The following NELL1 variants were observed in gnomAD, a reference collection of about 807,000 sequenced individuals.
The protein encoded by NELL1 is neural EGFL like 1, also known as protein kinase C-binding protein NELL1.
NELL1 carries 76 observed loss-of-function variants against 107.4 expected under a neutral mutation model. The observed-to-expected ratio is 0.71, with a 90% CI of 0.59 to 0.86. NELL1 has a LOEUF of 0.86. Among genes scored for constraint, NELL1 ranks in the 40% least tolerant of loss-of-function variants. The pLI is 0.00. For missense variants in NELL1, 1,024 were observed against 1,005.5 expected (o/e 1.02, Z -0.25); for synonymous variants, 353 against 341.2 (o/e 1.03, Z -0.38).
At chr11:20,743,339 T>C (rs906363491) in intron 2 of NELL1, among the ~76,000 whole-genome samples, 4 of 151,588 alleles carry the variant, frequency 2.6e-5, no homozygotes, top group Admixed American at 1.3e-4. Flanking sequence ...TGTGATAGAG[T>C]GAGACTCTGT....
At chr11:21,535,485 C>T (rs1196922597) in intron 16 of NELL1, among the ~76,000 whole-genome samples, 1 of 152,046 alleles carries the variant, frequency 6.6e-6, no homozygotes, top group Non-Finnish European at 1.5e-5. Context: ...TCAACTTCTC[C>T]ACTGATGTTG....
At chr11:20,985,776 A>G (rs1393201267) in intron 12 of NELL1, among the ~76,000 whole-genome samples, 2 of 152,242 alleles carry the variant, frequency 1.3e-5, no homozygotes, top group Admixed American at 6.5e-5. Flanking sequence ...TTTCTTGGCC[A>G]CAAGTCTTAT....
At chr11:21,467,612 C>T (rs1407684878) in intron 15 of NELL1, among the ~76,000 whole-genome samples, 1 of 151,934 alleles carries the variant, frequency 6.6e-6, no homozygotes, top group Admixed American at 6.6e-5. Context: ...CTTTTACATA[C>T]TGAGTATGCA....
At chr11:21,426,736 A>G (rs1283878020) in intron 15 of NELL1, among the ~76,000 whole-genome samples, 2 of 152,130 alleles carry the variant, frequency 1.3e-5, no homozygotes, top group Non-Finnish European at 2.9e-5. Flanking sequence ...GTGCAGTCAG[A>G]AAAAAATGAG....
Position 21,299,511 on chromosome 11 carries a change from ATGTGTGTGTGTGTGTG to A in NELL1, c.1549+70095_1549+70110del, listed in dbSNP as rs71063696. 8.8e-3 allele frequency among the ~76,000 whole-genome samples: 1,196 copies of A among 136,482 alleles called. 22 individuals carry two copies. Among genetic ancestry groups the A allele is most frequent in the African/African-American group, 0.029 (1,027 of 35,028 alleles). 89.5% of individuals were successfully genotyped at this position (136,482 alleles called of 152,430 possible). On this transcript the variant is annotated intron_variant, in intron 14 of 19. Coordinates refer to ENST00000357134, the MANE Select transcript of NELL1 (RefSeq NM_006157.5). ...AAATTTCAACATTTTATTGTCTTAT[ATGTGTGTGTGTGTGTG>A]TGTGTGTGTGTGTGTGTGTGTGTGT...
At chr11:21,259,460 C>A (rs1361679241) in intron 14 of NELL1, among the ~76,000 whole-genome samples, 4 of 151,810 alleles carry the variant, frequency 2.6e-5, no homozygotes, top group African/African-American at 9.7e-5. Flanking sequence ...TATGGAAATA[C>A]AATTTTTCAG....
At chr11:21,333,817 C>T (rs1850324625) in intron 14 of NELL1, among the ~76,000 whole-genome samples, 1 of 152,010 alleles carries the variant, frequency 6.6e-6, no homozygotes, top group Non-Finnish European at 1.5e-5. Flanking sequence ...TAAACCAGGT[C>T]ACACAAAATT....
chr11:20,879,113 C>T lies in NELL1; in HGVS notation c.507-6331C>T, dbSNP rs1168702171. 2.0e-5 allele frequency among the ~76,000 whole-genome samples: 3 copies of T among 152,134 alleles called. No homozygotes were observed. In the South Asian group the frequency reaches 6.2e-4, roughly 31 times the overall value. The stretch of plus-strand genomic sequence containing the variant: ...CAGTCAGGAAGTACACACACAACTT[C>T]AGGATGGATATGATGGGCCCAAGGG... On this transcript the variant is annotated intron_variant, in intron 4 of 19. Coordinates refer to ENST00000357134, the MANE Select transcript of NELL1 (RefSeq NM_006157.5).
rs1027385757 is a variant in NELL1 at position 21,015,032 on chromosome 11, A to G, written c.1300+54472A>G. ...TTGTTCACTGACTTGAACTTTGTTC[A>G]TTTTTTTAGATCTCTGGATCTTTTC... On this transcript the variant is annotated intron_variant, in intron 12 of 19. Coordinates refer to ENST00000357134, the MANE Select transcript of NELL1 (RefSeq NM_006157.5). 2.6e-5 allele frequency among the ~76,000 whole-genome samples: 4 copies of G among 151,994 alleles called. 1 individual carries two copies. The South Asian group carries it at 6.2e-4, about 24-fold the overall frequency.
intron 10 of NELL1, among the ~76,000 whole-genome samples, chr11:20,945,742 A>G (rs1345761998): frequency 6.6e-6 from 1 of 152,216 alleles, no homozygotes; most frequent in African/African-American, 2.4e-5. Context: ...AGTAAGGCAC[A>G]TCAGGTAGGG....
intron 17 of NELL1, among the ~76,000 whole-genome samples, chr11:21,568,421 G>T (rs981441557): frequency 6.6e-6 from 1 of 151,634 alleles, no homozygotes; most frequent in Non-Finnish European, 1.5e-5. Context: ...TATGAACCTT[G>T]TATACTTAGG....
At chr11:20,825,455 G>A (rs1328982793) in intron 3 of NELL1, among the ~76,000 whole-genome samples, 1 of 151,504 alleles carries the variant, frequency 6.6e-6, no homozygotes, top group African/African-American at 2.4e-5. Context: ...GGGCAGAGTT[G>A]CCCAAGGCCA....
At chr11:21,244,255 A>T (rs568172036) in intron 14 of NELL1, among the ~76,000 whole-genome samples, 2 of 152,200 alleles carry the variant, frequency 1.3e-5, no homozygotes, top group Non-Finnish European at 2.9e-5. Flanking sequence ...AAAACAGTTC[A>T]TGAGAGAGCA....
intron 2 of NELL1, among the ~76,000 whole-genome samples, chr11:20,695,111 T>G (rs1293824219): frequency 6.6e-6 from 1 of 152,108 alleles, no homozygotes; most frequent in Non-Finnish European, 1.5e-5. Context: ...TACTGTTATA[T>G]AAAAATGTTA....
intron 11 of NELL1, among the ~76,000 whole-genome samples, chr11:20,957,835 A>G (rs1231562067): frequency 2.0e-5 from 3 of 152,202 alleles, no homozygotes; most frequent in African/African-American, 7.2e-5. Flanking sequence ...ATACATCTCA[A>G]AATGATGCAG....
intron 13 of NELL1, among the ~76,000 whole-genome samples, chr11:21,115,856 A>G (rs923184598): frequency 6.6e-6 from 1 of 152,034 alleles, no homozygotes; most frequent in South Asian, 2.1e-4. Context: ...GCCTCCTCTC[A>G]GGAATTTCAG....
intron 12 of NELL1, among the ~76,000 whole-genome samples, chr11:21,061,134 T>C (rs1275344730): frequency 6.6e-6 from 1 of 152,184 alleles, no homozygotes; most frequent in Non-Finnish European, 1.5e-5. Context: ...CTACTGTGCA[T>C]TAACCACAGA....
chr11:21,228,722 T>C (rs1475817487), intron 13 of NELL1, among the ~76,000 whole-genome samples: 5 of 2,120 alleles, frequency 2.4e-3, no homozygotes, highest in African/African-American at 5.3e-3. Flanking sequence ...CCACCCCTCC[T>C]TCCCTCCCCT....
intron 2 of NELL1, among the ~76,000 whole-genome samples, chr11:20,693,413 A>T (rs1184864017): frequency 2.6e-5 from 4 of 152,100 alleles, no homozygotes; most frequent in Non-Finnish European, 5.9e-5. Context: ...ATGATTTTGC[A>T]GCAGCTGGTA....
Sources: allele counts gnomAD v4.1 joint callset (sites outside exome capture counted in the v4.1 genomes callset), GRCh38; gene constraint gnomAD v4.1.1; transcripts MANE v1.5; gene names NCBI Gene and HGNC (gene_info 2026-07-23, HGNC 2026-07-21).